Variants in TMCO4 observed in about 807,000 individuals in gnomAD.
The protein encoded by TMCO4 is transmembrane and coiled-coil domain-containing protein 4.
In TMCO4, 58 loss-of-function variants were observed where a neutral mutation model predicts 64.7. The ratio of observed to expected loss-of-function variants is 0.90; its 90% CI spans 0.73 to 1.12. The LOEUF is 1.12. Among genes scored for constraint, TMCO4 ranks in the 50% most tolerant of loss-of-function variants. The pLI, the probability that TMCO4 is intolerant of heterozygous loss-of-function variation, is 0.00. For synonymous variants in TMCO4, 325 were observed against 346.1 expected (o/e 0.94, Z 0.68); for missense variants, 780 against 825.9 (o/e 0.94, Z 0.68).
rs1302686084 is a variant in TMCO4, at chr1:19,746,481, A to G, written c.732T>C (p.Phe244=). 2 of 1,613,440 alleles carry G rather than the reference A, an allele frequency of 1.2e-6. No individual in the cohort carries two copies. The highest frequency in any genetic ancestry group is 1.7e-6 in the Non-Finnish European group (2 of 1,179,782). Residue 244 remains phenylalanine (F), a synonymous_variant, in exon 9 of 16, where the codon TTT becomes TTC. Transcript: ENST00000294543. ...CTGTCAGGCCAGCTCCAGCTGCACCAAACAGCGAGGTCATGATGGCTATGC... is the reference window on the plus strand; with the variant it reads ...CTGTCAGGCCAGCTCCAGCTGCACCGAACAGCGAGGTCATGATGGCTATGC... The part of the protein sequence containing the change: ...AAGIAIMTSL[F]GAAGAGLTGY...
rs1250766116 is a variant in TMCO4, at chr1:19,737,485, G to A, written c.1180-29C>T. The A allele has an allele frequency of 2.5e-6, 4 of 1,609,086 alleles. No homozygotes were observed. In the African/African-American group the frequency reaches 5.3e-5, roughly 21 times the overall value. On this transcript the variant is annotated intron_variant, in intron 12 of 15. Coordinates refer to ENST00000294543, the MANE Select transcript of TMCO4 (RefSeq NM_181719.7). ...AAGGGAAAAAGGACACAGGTGTCTG[G>A]AAGGAATACTGCCAGTTCTAGCAAA...
intron 6 of TMCO4, among the ~76,000 whole-genome samples, chr1:19,765,534 C>A (rs1321278357): frequency 1.3e-5 from 2 of 150,972 alleles, no homozygotes; most frequent in African/African-American, 4.9e-5. Context: ...TGTGGCTAAG[C>A]AGCCCATGGC....
intron 15 of TMCO4, among the ~76,000 whole-genome samples, chr1:19,685,030 T>C (rs2095135194): frequency 6.6e-6 from 1 of 152,136 alleles, no homozygotes; most frequent in South Asian, 2.1e-4. Flanking sequence ...CCCTAGTGTA[T>C]TTAAGACAAT....
chr1:19,744,021 C>T (rs551062703), intron 10 of TMCO4, among the ~76,000 whole-genome samples: 27 of 152,318 alleles, frequency 1.8e-4, no homozygotes, highest in Non-Finnish European at 3.2e-4. Context: ...AAGACCCTGG[C>T]GCCTGGTGAC....
At chr1:19,708,354 C>T (rs2095312911) in intron 13 of TMCO4, among the ~76,000 whole-genome samples, 1 of 150,816 alleles carries the variant, frequency 6.6e-6, no homozygotes, top group Non-Finnish European at 1.5e-5. Context: ...CTTGGTACCC[C>T]TAAAAGTCTG....
chr1:19,757,274 T>C (rs1466079116), intron 6 of TMCO4, among the ~76,000 whole-genome samples: 1 of 152,016 alleles, frequency 6.6e-6, no homozygotes, highest in Non-Finnish European at 1.5e-5. Context: ...TATTCTAAAA[T>C]CACAGTGTTA....
chr1:19,718,557 G>C (rs1246838006), intron 13 of TMCO4, among the ~76,000 whole-genome samples: 1 of 142,048 alleles, frequency 7.0e-6, no homozygotes, highest in African/African-American at 2.6e-5. Context: ...GGAGGCTGCA[G>C]TGGGAGGCAT....
chr1:19,750,016 A>C (rs2041957790), intron 7 of TMCO4: 1 of 152,196 alleles, frequency 6.6e-6, no homozygotes, highest in Non-Finnish European at 1.5e-5. Context: ...ACAGTACTGA[A>C]TTTCCAGGGG....
In TMCO4 at chr1:19,719,276, G is replaced by A. The variant is rs147980457; in HGVS notation, c.1264+18096C>T. Among the ~76,000 whole-genome samples the A allele has an allele frequency of 1.4e-3, 211 of 152,258 alleles. 1 individual carries two copies. Among genetic ancestry groups the A allele is most frequent in the African/African-American group, 4.8e-3 (199 of 41,546 alleles). The stretch of plus-strand genomic sequence containing the variant: ...TGAGTTCACTTCTCAAAATGAGAGG[G>A]TGCAACTCTCAGACAGAAGAAGTCA... On this transcript the variant is annotated intron_variant, in intron 13 of 15. Coordinates refer to ENST00000294543, the MANE Select transcript of TMCO4 (RefSeq NM_181719.7).
chr1:19,769,521 G>A (rs1181513159), intron 6 of TMCO4, among the ~76,000 whole-genome samples: 1 of 152,182 alleles, frequency 6.6e-6, no homozygotes, highest in East Asian at 1.9e-4. Context: ...GGGTTCCAGT[G>A]GGGAGCCAGG....
chr1:19,739,425 T>C (rs2095469456), intron 12 of TMCO4, among the ~76,000 whole-genome samples: 1 of 152,188 alleles, frequency 6.6e-6, no homozygotes, highest in South Asian at 2.1e-4. Context: ...CCTGGTCTCA[T>C]TCACTTTACT....
At chr1:19,718,250 G>A (rs536430236) in intron 13 of TMCO4, among the ~76,000 whole-genome samples, 61 of 152,098 alleles carry the variant, frequency 4.0e-4, no homozygotes, top group Middle Eastern at 3.4e-3. Flanking sequence ...CAGGAGAATC[G>A]CTTGAACTCA....
In TMCO4 at chr1:19,793,128, G is replaced by A. The variant is rs890561490; in HGVS notation, c.-101+5009C>T. Among the ~76,000 whole-genome samples the A allele has an allele frequency of 3.9e-5, 6 of 152,014 alleles. No homozygotes were observed. The South Asian group carries it at 1.0e-3, about 26-fold the overall frequency. ...AGGTAAGTGACTATATTAGTGTGCC[G>A]CCTCTCCCATGCTGCTCCAGCCATA... On this transcript the variant is annotated intron_variant, in intron 2 of 15. Coordinates refer to ENST00000294543, the MANE Select transcript of TMCO4 (RefSeq NM_181719.7).
At chr1:19,684,826 C>G (rs1487556061) in intron 15 of TMCO4, among the ~76,000 whole-genome samples, 1 of 152,168 alleles carries the variant, frequency 6.6e-6, no homozygotes. Flanking sequence ...TGCTCTTCTT[C>G]CCTCATGTCC....
chr1:19,706,601 G>A (rs535909024), intron 13 of TMCO4, among the ~76,000 whole-genome samples: 8 of 152,220 alleles, frequency 5.3e-5, no homozygotes, highest in South Asian at 2.1e-4. Context: ...AACAGTTCTC[G>A]CTAAGTTATT....
At chr1:19,733,176 A>G (rs754753011) in intron 13 of TMCO4, among the ~76,000 whole-genome samples, 1 of 152,100 alleles carries the variant, frequency 6.6e-6, no homozygotes, top group Non-Finnish European at 1.5e-5. Flanking sequence ...CTGAGGCAGG[A>G]GAATTGCTTG....
chr1:19,753,212 A>G (rs2042097682), intron 7 of TMCO4, among the ~76,000 whole-genome samples: 1 of 152,078 alleles, frequency 6.6e-6, no homozygotes, highest in African/African-American at 2.4e-5. Context: ...CACCCGCCTC[A>G]GCCTCCCAAA....
chr1:19,694,598 C>A, intron 14 of TMCO4, 47 bp from the exon 15 acceptor site: 2 of 1,585,768 alleles, frequency 1.3e-6, no homozygotes, highest in African/African-American at 2.7e-5. Context: ...CAGCCTCGGA[C>A]AGCCCAAGGA....
At chr1:19,784,255 T>C (rs563491286) in intron 3 of TMCO4, among the ~76,000 whole-genome samples, 5 of 152,276 alleles carry the variant, frequency 3.3e-5, no homozygotes, top group South Asian at 2.1e-4. Flanking sequence ...AAGCTCAGGC[T>C]GGGCGCGGTA....
Sources: gnomAD v4.1 joint callset for allele counts (sites outside exome capture counted in the v4.1 genomes callset) on GRCh38, gnomAD v4.1.1 for gene constraint, MANE v1.5 for transcripts, NCBI Gene and HGNC (gene_info 2026-07-23, HGNC 2026-07-21) for gene names.